The following CORIN variants were observed in gnomAD, a reference collection of about 807,000 sequenced individuals.
CORIN encodes the protein atrial natriuretic peptide-converting enzyme.
CORIN carries 117 observed loss-of-function variants against 125.3 expected under a neutral mutation model. The ratio of observed to expected loss-of-function variants is 0.93; its 90% CI spans 0.80 to 1.09. The LOEUF (loss-of-function observed/expected upper bound fraction) is 1.09. Among genes scored for constraint, CORIN ranks in the 50% least tolerant of loss-of-function variants. CORIN has a pLI of 0.00. For missense variants in CORIN, 1,253 were observed against 1,306.7 expected (o/e 0.96, Z 0.63); for synonymous variants, 450 against 466.4 (o/e 0.96, Z 0.45).
chr4:47,806,871 C>G (rs1473775799), intron 2 of CORIN, 32 bp downstream of exon 2: 47 of 1,583,722 alleles, frequency 3.0e-5, no homozygotes, highest in Non-Finnish European at 4.0e-5. Flanking sequence ...TTCACTTTAA[C>G]TTCATTTTTA....
intron 3 of CORIN, among the ~76,000 whole-genome samples, chr4:47,779,316 G>C (rs771735562): frequency 6.6e-6 from 1 of 152,002 alleles, no homozygotes; most frequent in African/African-American, 2.4e-5. Context: ...CCAGATTTCA[G>C]ATATCTAATT....
At chr4:47,721,598 CA>C (rs750633243) in intron 5 of CORIN, among the ~76,000 whole-genome samples, 4 of 152,164 alleles carry the variant, frequency 2.6e-5, no homozygotes, top group Non-Finnish European at 4.4e-5. Flanking sequence ...AATTATCTCC[CA>C]AAGTCTCCAC....
intron 6 of CORIN, among the ~76,000 whole-genome samples, chr4:47,686,316 A>G (rs1264678434): frequency 6.6e-6 from 1 of 152,092 alleles, no homozygotes; most frequent in Non-Finnish European, 1.5e-5. Context: ...GTAAGTCCAT[A>G]CTTATAAGCA....
intron 1 of CORIN, among the ~76,000 whole-genome samples, chr4:47,823,277 C>T (rs528754195): frequency 2.0e-5 from 3 of 152,194 alleles, no homozygotes; most frequent in African/African-American, 7.2e-5. Context: ...TGTGACATGC[C>T]CCATCATTCT....
chr4:47,830,262 C>T (rs578082327), intron 1 of CORIN, among the ~76,000 whole-genome samples: 3 of 151,802 alleles, frequency 2.0e-5, no homozygotes, highest in African/African-American at 4.8e-5. Context: ...ACAGGCTCAT[C>T]GGTTGAGTAC....
At chr4:47,626,113 G>A (rs542704487) in intron 17 of CORIN, among the ~76,000 whole-genome samples, 1 of 152,208 alleles carries the variant, frequency 6.6e-6, no homozygotes, top group African/African-American at 2.4e-5. Context: ...GCAGACATGA[G>A]GGTTTATTTT....
chr4:47,751,855 T>C (rs1728917859), intron 4 of CORIN, among the ~76,000 whole-genome samples: 1 of 152,228 alleles, frequency 6.6e-6, no homozygotes. Context: ...GCTAAAGGAA[T>C]AAATTGATAA....
At chr4:47,810,768 C>T (rs559432268) in intron 1 of CORIN, among the ~76,000 whole-genome samples, 1 of 152,290 alleles carries the variant, frequency 6.6e-6, no homozygotes, top group Admixed American at 6.5e-5. Flanking sequence ...CAATTAGCAG[C>T]CCTCCATAGG....
At chr4:47,765,474 T>C (rs1729690136) in intron 3 of CORIN, among the ~76,000 whole-genome samples, 2 of 152,218 alleles carry the variant, frequency 1.3e-5, no homozygotes, top group Admixed American at 1.3e-4. Flanking sequence ...CTTTTTGCTA[T>C]TATATTGCTG....
At chr4:47,616,902 A>G (rs1722086257) in intron 19 of CORIN, among the ~76,000 whole-genome samples, 1 of 152,214 alleles carries the variant, frequency 6.6e-6, no homozygotes, top group Non-Finnish European at 1.5e-5. Flanking sequence ...CAAAATAAAA[A>G]TGATAACTTT....
intron 4 of CORIN, among the ~76,000 whole-genome samples, chr4:47,746,466 A>G (rs562064277): frequency 1.1e-4 from 17 of 152,248 alleles, no homozygotes; most frequent in Non-Finnish European, 2.4e-4. Context: ...TTGACCCAGG[A>G]CCTATTCTAT....
At chr4:47,650,511 T>A (rs749730291) in intron 13 of CORIN, among the ~76,000 whole-genome samples, 1 of 152,112 alleles carries the variant, frequency 6.6e-6, no homozygotes, top group Non-Finnish European at 1.5e-5. Flanking sequence ...AGAGATAACC[T>A]CAGCCTCACA....
chr4:47,728,060 G>GTCC, intron 5 of CORIN, among the ~76,000 whole-genome samples: 1 of 152,288 alleles, frequency 6.6e-6, no homozygotes, highest in East Asian at 1.9e-4. Flanking sequence ...GAGCAGGTGA[G>GTCC]AATGGAGACT....
At chr4:47,704,723 C>T (rs906154526) in intron 5 of CORIN, among the ~76,000 whole-genome samples, 69 of 152,228 alleles carry the variant, frequency 4.5e-4, no homozygotes, top group African/African-American at 1.6e-3. Context: ...AACACGCTAT[C>T]GATCAACTGA....
chr4:47,837,191 A>G (rs936639574), intron 1 of CORIN, among the ~76,000 whole-genome samples: 1 of 152,182 alleles, frequency 6.6e-6, no homozygotes, highest in African/African-American at 2.4e-5. Flanking sequence ...CACGCCGGAG[A>G]AAGTTTGCAC....
intron 5 of CORIN, among the ~76,000 whole-genome samples, chr4:47,710,465 C>G (rs1223544497): frequency 6.6e-6 from 1 of 152,254 alleles, no homozygotes; most frequent in Non-Finnish European, 1.5e-5. Context: ...ACGTCTACTT[C>G]CTGATGTTGC....
At chr4:47,833,922 A>G (rs1225961475) in intron 1 of CORIN, among the ~76,000 whole-genome samples, 2 of 152,226 alleles carry the variant, frequency 1.3e-5, no homozygotes, top group African/African-American at 4.8e-5. Context: ...GATGCCAAGA[A>G]AATGCATCTC....
In CORIN at chr4:47,673,549, G is replaced by A. The variant is rs566079464; in HGVS notation, c.1357+844C>T. On this transcript the variant is annotated intron_variant, in intron 10 of 21. Coordinates refer to ENST00000273857, the MANE Select transcript of CORIN (RefSeq NM_006587.4). Reference sequence around the variant, plus strand: ...CAGAAATCATTACTAGAAATCAGTCGCTGGGGATTTTCTGATTCCATTTTC... The same window carrying A: ...CAGAAATCATTACTAGAAATCAGTCACTGGGGATTTTCTGATTCCATTTTC... Among the ~76,000 whole-genome samples the A allele has an allele frequency of 3.9e-4, 60 of 152,188 alleles. 1 individual carries two copies. Among genetic ancestry groups the A allele is most frequent in the Non-Finnish European group, 2.4e-4 (16 of 68,006 alleles).
chr4:47,790,283 G>A (rs996580215), intron 2 of CORIN: 3 of 724,712 alleles, frequency 4.1e-6, no homozygotes, highest in African/African-American at 1.9e-5. Flanking sequence ...CAGAACCCCC[G>A]ACTGGCCTGC....
Sources: allele counts gnomAD v4.1 joint callset (sites outside exome capture counted in the v4.1 genomes callset), GRCh38; gene constraint gnomAD v4.1.1; transcripts MANE v1.5; gene names NCBI Gene and HGNC (gene_info 2026-07-23, HGNC 2026-07-21).